KBTBD11: variants seen among roughly 807,000 people sequenced by gnomAD.
KBTBD11 encodes the protein kelch repeat and BTB domain containing 11.
For missense variants in KBTBD11, 1,390 were observed against 1,001.8 expected, an observed-to-expected ratio of 1.39 and a Z score of -5.23; for synonymous variants, 747 against 499.0, an observed-to-expected ratio of 1.50 and a Z score of -6.63.
At position 2,001,515 on chromosome 8, in the gene KBTBD11, C is replaced by G. The variant is rs1817355328; in HGVS notation, c.323C>G (p.Pro108Arg). The change falls in exon 2 of 2, where the codon CCC (proline) becomes CGC (arginine). Residue 108 changes from proline to arginine, a missense_variant. Physicochemically the swap from Pro to Arg is moderately radical, Grantham distance 103 (BLOSUM62 -2). Coordinates refer to ENST00000320248, the MANE Select transcript of KBTBD11 (RefSeq NM_014867.3). Reference sequence around the variant, plus strand: ...CCGGAAGAGCCCGCGGCGCCGTCCCCCGAACCGCGCGTTTGGCTTGAGGAC... The same window carrying G: ...CCGGAAGAGCCCGCGGCGCCGTCCCGCGAACCGCGCGTTTGGCTTGAGGAC... The part of the protein sequence containing the change: ...ACPEEPAAPS[P>R]EPRVWLEDPA... 1.4e-6 allele frequency: 2 copies of G among 1,415,262 alleles called. No individual in the cohort carries two copies. Among genetic ancestry groups the G allele is most frequent in the Non-Finnish European group, 1.8e-6 (2 of 1,089,878 alleles). The allele number at this position is 1,415,262 out of a possible 1,614,324, so 87.7% of individuals were successfully genotyped here. A position where few individuals can be genotyped will look rare whatever the true frequency, so the allele number is the denominator to read the frequency against.
intron 1 of KBTBD11, among the ~76,000 whole-genome samples, chr8:1,996,698 A>G (rs1028924198): frequency 3.3e-5 from 5 of 152,366 alleles, no homozygotes; most frequent in South Asian, 2.1e-4. Flanking sequence ...AAGCAGTATT[A>G]TTAAAATAGA....
At chr8:1,977,631 C>G (rs1043387650) in intron 1 of KBTBD11, among the ~76,000 whole-genome samples, 1 of 152,154 alleles carries the variant, frequency 6.6e-6, no homozygotes, top group African/African-American at 2.4e-5. Flanking sequence ...TCAAGCAATT[C>G]TCATGTCTCA....
intron 1 of KBTBD11, chr8:1,976,158 C>G (rs79612844): frequency 2.6e-5 from 4 of 152,106 alleles, no homozygotes; most frequent in Admixed American, 2.0e-4. Context: ...GAGAAGGGCC[C>G]GGAGAACAGC....
chr8:1,980,209 T>C (rs892591488), intron 1 of KBTBD11, among the ~76,000 whole-genome samples: 1 of 148,422 alleles, frequency 6.7e-6, no homozygotes, highest in African/African-American at 2.5e-5. Context: ...CTAAATGATG[T>C]GAAATACTGA....
In KBTBD11 at chr8:2,001,277, T is replaced by A; in HGVS notation, c.85T>A (p.Ser29Thr). 3.3e-6 allele frequency: 5 copies of A among 1,517,278 alleles called. No individual in the cohort carries two copies. Among genetic ancestry groups the A allele is most frequent in the Non-Finnish European group, 4.4e-6 (5 of 1,139,954 alleles). 94.0% of individuals were successfully genotyped at this position (1,517,278 alleles called of 1,614,324 possible). The change falls in exon 2 of 2, where the codon TCC becomes ACC. Residue 29 changes from serine to threonine, a missense_variant. By Grantham distance (58) the Ser-to-Thr change is moderately conservative. Transcript: ENST00000320248. ...AGESESEGAASPAQTPCSLGA... is the reference protein window; with the variant it reads ...AGESESEGAATPAQTPCSLGA... ...GGAGAGCGAGAGCGAGGGCGCCGCG[T>A]CCCCGGCGCAGACACCCTGCAGTCT...
chr8:1,974,231 G>A, intron 1 of KBTBD11: 1 of 931,146 alleles, frequency 1.1e-6, no homozygotes, highest in African/African-American at 1.8e-5. Flanking sequence ...AGGCCGCGTG[G>A]GGGGCGTGGG....
In KBTBD11 at chr8:2,002,415, T is replaced by A; in HGVS notation, c.1223T>A (p.Leu408Gln). The part of the protein sequence containing the change: ...LRQARSQLRL[L>Q]ALDGHLYAVG... The stretch of plus-strand genomic sequence containing the variant: ...CAGGCGCGCTCGCAGCTGCGGCTGC[T>A]GGCCCTGGACGGTCACCTCTACGCC... The change falls in exon 2 of 2, where the codon CTG (leucine) becomes CAG (glutamine). Residue 408 changes from leucine (L) to glutamine (Q), a missense_variant. Transcript: ENST00000320248. The surrounding 1 kb of genome is among the most constrained non-coding windows in gnomAD (Gnocchi z 4.1). 5.4e-6 allele frequency: 8 copies of A among 1,483,990 alleles called. No individual in the cohort carries two copies. Among genetic ancestry groups the A allele is most frequent in the Non-Finnish European group, 7.1e-6 (8 of 1,123,712 alleles). The allele number at this position is 1,483,990 out of a possible 1,614,324, so 91.9% of individuals were successfully genotyped here. A position where few individuals can be genotyped will look rare whatever the true frequency, so the allele number is the denominator to read the frequency against.
chr8:1,986,252 C>G (rs566224703), intron 1 of KBTBD11, among the ~76,000 whole-genome samples: 1 of 152,302 alleles, frequency 6.6e-6, no homozygotes, highest in African/African-American at 2.4e-5. Context: ...GTGGCAAGTA[C>G]AAGCTGAATA....
Position 2,003,307 on chromosome 8 carries a change from A to G in KBTBD11, c.*243A>G. ...GGTGTGCGGATGGGTCCCTTGACAG[A>G]CAGGACACAGAGAAGGCTGTGGGAT... On this transcript the variant is annotated 3_prime_UTR_variant, in exon 2 of 2. Transcript: ENST00000320248. 2.2e-6 allele frequency: 1 copy of G among 460,382 alleles called. No individual in the cohort carries two copies. The allele number at this position is 460,382 out of a possible 1,614,324, so 28.5% of individuals were successfully genotyped here. A position where few individuals can be genotyped will look rare whatever the true frequency, so the allele number is the denominator to read the frequency against.
intron 1 of KBTBD11, among the ~76,000 whole-genome samples, chr8:1,983,537 A>C (rs895362377): frequency 2.0e-5 from 3 of 152,142 alleles, no homozygotes; most frequent in Admixed American, 2.0e-4. Context: ...CTCATGATGC[A>C]TCTTTTCTGC....
chr8:1,993,516 TCCACCCATCCATCCACCCAC>T (rs1817007262), intron 1 of KBTBD11, among the ~76,000 whole-genome samples: 3 of 37,050 alleles, frequency 8.1e-5, no homozygotes, highest in African/African-American at 2.0e-4. Flanking sequence ...CATCCATCCA[TCCACCCATCCATCCACCCAC>T]CCACCCACCC....
intron 1 of KBTBD11, among the ~76,000 whole-genome samples, chr8:1,985,599 C>G (rs994498098): frequency 1.3e-5 from 2 of 152,258 alleles, no homozygotes; most frequent in Non-Finnish European, 2.9e-5. Context: ...GAACTGTTCT[C>G]TCATCTCACC....
At chr8:1,991,921 G>A (rs1306977588) in intron 1 of KBTBD11, among the ~76,000 whole-genome samples, 1 of 152,132 alleles carries the variant, frequency 6.6e-6, no homozygotes, top group Non-Finnish European at 1.5e-5. Context: ...CTTTGCCAAT[G>A]CGTGAAATGT....
chr8:1,983,670 G>A (rs895154985), intron 1 of KBTBD11, among the ~76,000 whole-genome samples: 1 of 152,066 alleles, frequency 6.6e-6, no homozygotes, highest in Non-Finnish European at 1.5e-5. Context: ...GTTGAAATGT[G>A]TTACCTATAG....
intron 1 of KBTBD11, chr8:1,974,646 C>T (rs1259303360): frequency 1.0e-6 from 1 of 985,224 alleles, no homozygotes; most frequent in African/African-American, 1.7e-5. Context: ...CTGCCGGGCG[C>T]CCCTTGCAGC....
chr8:1,979,925 C>G (rs1816483690), intron 1 of KBTBD11, among the ~76,000 whole-genome samples: 2 of 152,228 alleles, frequency 1.3e-5, no homozygotes, highest in South Asian at 4.1e-4. Context: ...GGAGAGGCCT[C>G]TGTTTGCAGC....
chr8:1,986,581 C>G (rs1275921874), intron 1 of KBTBD11, among the ~76,000 whole-genome samples: 2 of 152,116 alleles, frequency 1.3e-5, no homozygotes, highest in Non-Finnish European at 2.9e-5. Flanking sequence ...TTCCACTTGG[C>G]TGGAACTTTT....
At chr8:1,974,294 C>A (rs1168691018) in intron 1 of KBTBD11, 1 of 983,942 alleles carries the variant, frequency 1.0e-6, no homozygotes, top group African/African-American at 1.8e-5. Flanking sequence ...GCAACCCCGG[C>A]CGGAAGACAA....
At chr8:1,974,166 A>G (rs1473431757) in intron 1 of KBTBD11, among the ~76,000 whole-genome samples, 7 of 88,850 alleles carry the variant, frequency 7.9e-5, no homozygotes, top group African/African-American at 3.1e-4. Context: ...AGGAGGGGGC[A>G]GCGCTGCCCG....
Sources: gnomAD v4.1 joint callset for allele counts (sites outside exome capture counted in the v4.1 genomes callset) on GRCh38, gnomAD v4.1.1 for gene constraint, Gnocchi (gnomAD v3.1) non-coding constraint, MANE v1.5 for transcripts, NCBI Gene and HGNC (gene_info 2026-07-23, HGNC 2026-07-21) for gene names.